Variants in MAD1L1 observed in about 807,000 individuals in gnomAD.
The protein encoded by MAD1L1 is mitotic spindle assembly checkpoint protein MAD1.
Under a neutral mutation model 96.9 loss-of-function variants are expected in MAD1L1, and 95 were observed. That is an observed-to-expected ratio of 0.98 (90% CI 0.83 to 1.16). MAD1L1 has a LOEUF of 1.16. MAD1L1 is among the 50% of genes most tolerant of loss of function. The pLI is 0.00. For synonymous variants in MAD1L1, 473 were observed against 396.6 expected, an observed-to-expected ratio of 1.19 and a Z score of -2.29; for missense variants, 1,007 against 954.4, an observed-to-expected ratio of 1.06 and a Z score of -0.73.
intron 11 of MAD1L1, among the ~76,000 whole-genome samples, chr7:2,098,441 C>T (rs1009523575): frequency 1.3e-5 from 2 of 152,180 alleles, no homozygotes; most frequent in Admixed American, 6.5e-5. Context: ...TCCCACTCAC[C>T]GCAGAGATCC....
chr7:2,217,935 A>C lies in MAD1L1; in HGVS notation c.678+27T>G, dbSNP rs772464331. 24 of 1,592,898 alleles carry C rather than the reference A, an allele frequency of 1.5e-5. No homozygotes were observed. The African/African-American group carries it at 3.0e-4, about 20-fold the overall frequency. Reference sequence around the variant, plus strand: ...AGTCAAGGCCACCACAGGGATGTCCACAAGGCACTGACAGGGAGTGACTCA... The same window carrying C: ...AGTCAAGGCCACCACAGGGATGTCCCCAAGGCACTGACAGGGAGTGACTCA... On this transcript the variant is annotated intron_variant, in intron 7 of 18. Transcript: ENST00000265854.
At chr7:2,052,810 A>G (rs543606250) in intron 12 of MAD1L1, among the ~76,000 whole-genome samples, 1 of 152,220 alleles carries the variant, frequency 6.6e-6, no homozygotes, top group East Asian at 1.9e-4. Flanking sequence ...CCCGGAACAG[A>G]CAGAGGAACC....
At chr7:1,960,849 G>A (rs1428230765) in intron 15 of MAD1L1, among the ~76,000 whole-genome samples, 1 of 152,134 alleles carries the variant, frequency 6.6e-6, no homozygotes, top group Non-Finnish European at 1.5e-5. Context: ...GTCTTTTCAG[G>A]AGCACTTGAA....
intron 12 of MAD1L1, among the ~76,000 whole-genome samples, chr7:2,056,579 G>C (rs1276171556): frequency 6.6e-6 from 1 of 152,258 alleles, no homozygotes; most frequent in African/African-American, 2.4e-5. Flanking sequence ...TCTGCAAAGC[G>C]ACCCAGGAGA....
intron 18 of MAD1L1, among the ~76,000 whole-genome samples, chr7:1,871,196 T>C (rs112056338): frequency 2.3e-3 from 120 of 52,124 alleles, no homozygotes; most frequent in Middle Eastern, 0.015. Flanking sequence ...ACGCCTGCCA[T>C]GCTGAACCCA....
At chr7:2,122,857 G>A (rs1282617024) in intron 11 of MAD1L1, among the ~76,000 whole-genome samples, 1 of 152,232 alleles carries the variant, frequency 6.6e-6, no homozygotes, top group Non-Finnish European at 1.5e-5. Flanking sequence ...GCAGGCCATG[G>A]CGTCAGTGTG....
chr7:1,878,662 T>A lies in MAD1L1; in HGVS notation c.1998+19538A>T, dbSNP rs192669731. Reference sequence around the variant, plus strand: ...ATAAATGGTATCTATGAAAAACTCATATTTAACAGCATACTAATGTCAAAA... The same window carrying A: ...ATAAATGGTATCTATGAAAAACTCAAATTTAACAGCATACTAATGTCAAAA... On this transcript the variant is annotated intron_variant, in intron 18 of 18. Transcript: ENST00000265854. 2.9e-4 allele frequency among the ~76,000 whole-genome samples: 44 copies of A among 151,592 alleles called. 1 individual carries two copies. The highest frequency in any genetic ancestry group is 2.7e-3 in the Admixed American group (41 of 15,220).
At chr7:1,923,169 T>C (rs1283099164) in intron 17 of MAD1L1, among the ~76,000 whole-genome samples, 2 of 152,150 alleles carry the variant, frequency 1.3e-5, no homozygotes, top group Non-Finnish European at 2.9e-5. Flanking sequence ...AGCTTTTTGA[T>C]TGTGGATTCA....
chr7:1,879,513 TAATCCA>T (rs1354981395), intron 18 of MAD1L1, among the ~76,000 whole-genome samples: 1 of 151,854 alleles, frequency 6.6e-6, no homozygotes, highest in African/African-American at 2.4e-5. Context: ...AGATTGAATG[TAATCCA>T]AATCAAAGTC....
chr7:1,871,254 C>G (rs1785073675), intron 18 of MAD1L1, among the ~76,000 whole-genome samples: 1 of 146,404 alleles, frequency 6.8e-6, no homozygotes. Context: ...CCACGCTGAA[C>G]CCAACATAAG....
chr7:1,865,075 C>G (rs146636693), intron 18 of MAD1L1, among the ~76,000 whole-genome samples: 1 of 152,332 alleles, frequency 6.6e-6, no homozygotes, highest in Non-Finnish European at 1.5e-5. Flanking sequence ...TAGTGACACC[C>G]TTCCGGGAGC....
intron 11 of MAD1L1, among the ~76,000 whole-genome samples, chr7:2,074,731 G>A (rs918315234): frequency 2.0e-5 from 3 of 152,260 alleles, no homozygotes; most frequent in African/African-American, 4.8e-5. Context: ...AGAGAAGGGA[G>A]TGTGGAGCTG....
intron 18 of MAD1L1, among the ~76,000 whole-genome samples, chr7:1,857,979 C>T (rs1308361082): frequency 2.6e-5 from 4 of 152,250 alleles, no homozygotes; most frequent in African/African-American, 9.6e-5. Context: ...GTGGCCCACG[C>T]TGGCAACCGC....
intron 18 of MAD1L1, 49 bp downstream of exon 18, chr7:1,898,151 A>T: frequency 6.6e-7 from 1 of 1,523,530 alleles, no homozygotes; most frequent in Admixed American, 1.9e-5. Context: ...TCCCCACAGG[A>T]GGAGACAGAG....
intron 14 of MAD1L1, among the ~76,000 whole-genome samples, chr7:1,983,152 GCGCACA>G (rs1269063099): frequency 0.02 from 602 of 29,902 alleles, 1 homozygote; most frequent in East Asian, 0.072. Flanking sequence ...GCGCGCGCGC[GCGCACA>G]CACACACACA....
intron 12 of MAD1L1, among the ~76,000 whole-genome samples, chr7:2,022,177 A>T (rs1029632861): frequency 1.3e-5 from 2 of 152,158 alleles, no homozygotes; most frequent in Admixed American, 1.3e-4. Context: ...AGGAGCAGCA[A>T]TGTGTGGGGT....
At chr7:2,187,890 G>C (rs1258702650) in intron 10 of MAD1L1, among the ~76,000 whole-genome samples, 1 of 152,262 alleles carries the variant, frequency 6.6e-6, no homozygotes, top group South Asian at 2.1e-4. Context: ...TCATTTGAAA[G>C]AATACAACCA....
rs143437296 is a variant in MAD1L1, at chr7:1,924,921, T to C, written c.1807+11766A>G. On this transcript the variant is annotated intron_variant, in intron 17 of 18. Transcript: ENST00000265854. ...CACCGTGAAATGTTAAGCTTGCACA[T>C]TGTAAACCACAGAAAAATCACTTTA... is the stretch of plus-strand genomic sequence containing the variant. Among the ~76,000 whole-genome samples, 22 of 152,180 alleles carry C rather than the reference T, an allele frequency of 1.4e-4. 1 individual carries two copies. Among genetic ancestry groups the C allele is most frequent in the South Asian group, 4.2e-4 (2 of 4,804 alleles).
intron 16 of MAD1L1, among the ~76,000 whole-genome samples, chr7:1,951,544 C>G (rs972944499): frequency 2.0e-5 from 3 of 152,208 alleles, no homozygotes; most frequent in Non-Finnish European, 4.4e-5. Context: ...CCAGAGCTTC[C>G]TCATCTCTCC....
Sources: gnomAD v4.1 joint callset for allele counts (sites outside exome capture counted in the v4.1 genomes callset) on GRCh38, gnomAD v4.1.1 for gene constraint, MANE v1.5 for transcripts, NCBI Gene and HGNC (gene_info 2026-07-23, HGNC 2026-07-21) for gene names.